The following CRYM variants were observed in gnomAD, a reference collection of about 807,000 sequenced individuals.
CRYM encodes the protein ketimine reductase mu-crystallin.
Under a neutral mutation model 32.9 loss-of-function variants are expected in CRYM, and 18 were observed. The observed-to-expected ratio is 0.55, with a 90% confidence interval of 0.38 to 0.81. The LOEUF is 0.81. Ranked by LOEUF, CRYM falls within the 30% of genes least tolerant of loss-of-function variation. CRYM has a pLI of 0.00. For missense variants in CRYM, 337 were observed against 393.5 expected (o/e 0.86, Z 1.21); for synonymous variants, 153 against 152.4 (o/e 1.00, Z -0.03).
At chr16:21,296,738 C>T (rs990138314) in intron 1 of CRYM, among the ~76,000 whole-genome samples, 6 of 152,134 alleles carry the variant, frequency 3.9e-5, no homozygotes, top group South Asian at 2.1e-4. Flanking sequence ...TCACTGAGGC[C>T]GGGGGCTCAC....
chr16:21,273,465 A>C (rs1275640377), intron 3 of CRYM, among the ~76,000 whole-genome samples: 1 of 152,244 alleles, frequency 6.6e-6, no homozygotes, highest in Non-Finnish European at 1.5e-5. Flanking sequence ...GATTTTTATT[A>C]ATGCAACAAA....
intron 1 of CRYM, among the ~76,000 whole-genome samples, chr16:21,287,962 G>T (rs1416999273): frequency 6.6e-6 from 1 of 152,190 alleles, no homozygotes; most frequent in Non-Finnish European, 1.5e-5. Flanking sequence ...CCTATTTGTG[G>T]CTGTGTCTAA....
At chr16:21,289,415 G>T (rs12445139) in intron 1 of CRYM, among the ~76,000 whole-genome samples, 28,531 of 152,072 alleles carry the variant, frequency 0.19, 2,813 homozygotes, top group Middle Eastern at 0.26. Context: ...GTTACCGTTT[G>T]CATTGAATAT....
At chr16:21,276,514 G>A (rs226040) in intron 2 of CRYM, among the ~76,000 whole-genome samples, 40,829 of 152,054 alleles carry the variant, frequency 0.27, 5,929 homozygotes, top group African/African-American at 0.36. Context: ...TGTCACACCT[G>A]GGAGTGATTC....
At chr16:21,293,028 A>AAGGTAGAT (rs1555465437) in intron 1 of CRYM, among the ~76,000 whole-genome samples, 2 of 150,364 alleles carry the variant, frequency 1.3e-5, no homozygotes, top group African/African-American at 4.9e-5. Flanking sequence ...AAGTAGATAG[A>AAGGTAGAT]AGATAGATAG....
In CRYM at chr16:21,261,277, T is replaced by C. The variant is rs1382780596; in HGVS notation, c.857A>G (p.Lys286Arg). ...IKGVKPAHCEKTTVFKSLGMA... is the reference protein window; with the variant it reads ...IKGVKPAHCERTTVFKSLGMA... ...ACCCAAAGACTTGAACACGGTGGTC[T>C]TCTCACAGTGGGCTGGTTTCACTCC... is the stretch of plus-strand genomic sequence containing the variant. The change falls in exon 7 of 8, where the codon AAG becomes AGG. Residue 286 changes from lysine to arginine, a missense_variant. Lys to Arg is a conservative substitution (Grantham distance 26). Transcript: ENST00000572914. 6.2e-7 allele frequency: 1 copy of C among 1,613,954 alleles called. No individual in the cohort carries two copies. The highest frequency in any genetic ancestry group is 1.1e-5 in the South Asian group (1 of 91,064).
chr16:21,281,245 C>CATAT (rs141391440), upstream of CRYM, among the ~76,000 whole-genome samples: 2 of 147,690 alleles, frequency 1.4e-5, no homozygotes, highest in Non-Finnish European at 3.0e-5. Context: ...TATATATGTG[C>CATAT]ATATATATAT....
chr16:21,276,606 G>T (rs1032669439), intron 2 of CRYM, among the ~76,000 whole-genome samples: 1 of 152,148 alleles, frequency 6.6e-6, no homozygotes, highest in Admixed American at 6.5e-5. Flanking sequence ...AACAGAAATT[G>T]GGGGGAAGGG....
chr16:21,261,444 G>GA (rs2093354255), intron 6 of CRYM, 106 bp from the exon 7 acceptor site: 2 of 559,780 alleles, frequency 3.6e-6, no homozygotes, highest in East Asian at 3.3e-5. Context: ...AGATAAATTT[G>GA]ATTAAAAAAA....
chr16:21,298,432 A>G (rs977349604), intron 1 of CRYM, among the ~76,000 whole-genome samples: 4 of 152,258 alleles, frequency 2.6e-5, no homozygotes, highest in African/African-American at 9.6e-5. Context: ...TACAACATTC[A>G]TATACCAGAT....
Position 21,277,566 on chromosome 16 carries a change from G to A in CRYM, c.189C>T (p.Pro63=). ...TKHRGYLGVM[P]AYSAAEDALT... The stretch of plus-strand genomic sequence containing the variant: ...GTGCATCCTCTGCAGCACTGTAGGC[G>A]GGCATGACCCCCAGGTAGCTACAAG... Residue 63 remains proline, a synonymous_variant, in exon 2 of 8, where the codon CCC becomes CCT. Transcript: ENST00000572914. The surrounding 1 kb of genome is among the most constrained non-coding windows in gnomAD (Gnocchi z 4.2). 11 of 1,613,840 alleles carry A rather than the reference G, an allele frequency of 6.8e-6. No homozygotes were observed. Among genetic ancestry groups the A allele is most frequent in the African/African-American group, 1.3e-5 (1 of 75,008 alleles).
chr16:21,293,803 A>G (rs753474081), intron 1 of CRYM, among the ~76,000 whole-genome samples: 1 of 152,208 alleles, frequency 6.6e-6, no homozygotes, highest in Non-Finnish European at 1.5e-5. Context: ...GAAGCTTACA[A>G]ACTAATCAAA....
At chr16:21,267,457 G>C in intron 5 of CRYM, 97 bp downstream of exon 5, 1 of 1,279,442 alleles carries the variant, frequency 7.8e-7, no homozygotes, top group Non-Finnish European at 1.1e-6. Context: ...TGGGCATTCT[G>C]CATGAATAAA....
At chr16:21,267,417 C>T (rs1262084512) in intron 5 of CRYM, 137 bp downstream of exon 5, 8 of 924,502 alleles carry the variant, frequency 8.7e-6, no homozygotes, top group Admixed American at 2.0e-5. Flanking sequence ...TTTTTTCAAT[C>T]TCACATGTTT....
chr16:21,274,016 A>G (rs1389886790), intron 3 of CRYM, among the ~76,000 whole-genome samples: 2 of 151,796 alleles, frequency 1.3e-5, no homozygotes, highest in Non-Finnish European at 2.9e-5. Flanking sequence ...GGTATCTAGA[A>G]AACCTCGACA....
chr16:21,292,824 T>C (rs1309392200), intron 1 of CRYM, among the ~76,000 whole-genome samples: 1 of 151,920 alleles, frequency 6.6e-6, no homozygotes, highest in African/African-American at 2.4e-5. Context: ...TCAAAAGAAC[T>C]TTATTATCCC....
At chr16:21,261,779 T>C (rs941372560) in intron 6 of CRYM, 5 of 500,446 alleles carry the variant, frequency 1.0e-5, no homozygotes. Context: ...CCCACTTCTT[T>C]AGAGGACAGC....
At chr16:21,296,500 T>C (rs1050251398) in intron 1 of CRYM, among the ~76,000 whole-genome samples, 10 of 151,930 alleles carry the variant, frequency 6.6e-5, no homozygotes, top group Non-Finnish European at 1.2e-4. Context: ...AGAACACAAA[T>C]CTACTCATTG....
chr16:21,258,982 A>C (rs2093349419), intron 7 of CRYM, 137 bp from the exon 8 acceptor site: 3 of 716,888 alleles, frequency 4.2e-6, no homozygotes, highest in Non-Finnish European at 7.5e-6. Context: ...TGATACCCAG[A>C]GATGAGCTCA....
Sources: gnomAD v4.1 joint callset for allele counts (sites outside exome capture counted in the v4.1 genomes callset) on GRCh38, gnomAD v4.1.1 for gene constraint, Gnocchi (gnomAD v3.1) non-coding constraint, MANE v1.5 for transcripts, NCBI Gene and HGNC (gene_info 2026-07-23, HGNC 2026-07-21) for gene names.